The following TENM3 variants were observed in gnomAD, a reference collection of about 807,000 sequenced individuals.
TENM3 encodes the protein teneurin-3.
TENM3 carries 63 observed loss-of-function variants against 255.1 expected under a neutral mutation model. That is an observed-to-expected ratio of 0.25 (90% CI 0.20 to 0.30). The LOEUF is 0.30. TENM3 is among the 10% of genes least tolerant of loss of function. TENM3 has a pLI of 1.00. For missense variants in TENM3, 2,929 were observed against 3,461.1 expected, an observed-to-expected ratio of 0.85 and a Z score of 3.86; for synonymous variants, 1,306 against 1,322.3, an observed-to-expected ratio of 0.99 and a Z score of 0.27.
At chr4:181,814,602 G>GTA in the TENM3 span, among the ~76,000 whole-genome samples, 1 of 152,146 alleles carries the variant, frequency 6.6e-6, no homozygotes, top group Non-Finnish European at 1.5e-5. Context: ...GTGTGTGTGT[G>GTA]TGTGTGTGCA....
intron 11 of TENM3, among the ~76,000 whole-genome samples, chr4:182,686,439 A>G (rs1579110984): frequency 6.6e-6 from 1 of 152,106 alleles, no homozygotes. Flanking sequence ...TACAAGCAGT[A>G]TAATTCTGAA....
At chr4:181,942,847 A>T in the TENM3 span, among the ~76,000 whole-genome samples, 1 of 152,368 alleles carries the variant, frequency 6.6e-6, no homozygotes, top group African/African-American at 2.4e-5. Flanking sequence ...TTGTAAAGGT[A>T]CTTAGCATTA....
At chr4:182,414,475 C>A (rs1447556322) in intron 3 of TENM3, among the ~76,000 whole-genome samples, 3 of 152,116 alleles carry the variant, frequency 2.0e-5, no homozygotes, top group Non-Finnish European at 2.9e-5. Context: ...TACTATGCTT[C>A]ACAGAAAAAT....
At chr4:181,521,916 G>A in the TENM3 span, among the ~76,000 whole-genome samples, 63 of 151,856 alleles carry the variant, frequency 4.1e-4, no homozygotes, top group Non-Finnish European at 8.5e-4. Context: ...CTAACGCGGT[G>A]AAACCCCGTC....
At chr4:181,750,981 C>T in the TENM3 span, among the ~76,000 whole-genome samples, 1 of 152,052 alleles carries the variant, frequency 6.6e-6, no homozygotes, top group Non-Finnish European at 1.5e-5. Flanking sequence ...CAGAGAGACC[C>T]CTACTTTAAA....
chr4:182,174,675 A>G (rs1752341156), intron 1 of TENM3, among the ~76,000 whole-genome samples: 1 of 152,142 alleles, frequency 6.6e-6, no homozygotes, highest in African/African-American at 2.4e-5. Context: ...AATCAAGAAA[A>G]TAATTGAAAC....
the TENM3 span, among the ~76,000 whole-genome samples, chr4:181,556,442 A>G: frequency 6.6e-6 from 1 of 152,146 alleles, no homozygotes; most frequent in African/African-American, 2.4e-5. Flanking sequence ...TAATTTATAA[A>G]CTTTAATTAA....
rs1251510739 is a variant in TENM3 at position 182,799,424 on chromosome 4, G to C, written c.7345-172G>C. Among the ~76,000 whole-genome samples the C allele has an allele frequency of 6.6e-6, 1 of 152,206 alleles. No homozygotes were observed. The highest frequency in any genetic ancestry group is 2.4e-5 in the African/African-American group (1 of 41,454). ...TCCAGAGCATCGGGATCACCTTGAG[G>C]GGGAGGGATCTCGAGTGCTCCCTCC... On this transcript the variant is annotated intron_variant, in intron 27 of 27. Transcript: ENST00000511685. The surrounding 1 kb of genome is among the most constrained non-coding windows in gnomAD (Gnocchi z 4.2).
At chr4:181,700,539 C>T in the TENM3 span, among the ~76,000 whole-genome samples, 5 of 152,182 alleles carry the variant, frequency 3.3e-5, no homozygotes, top group African/African-American at 2.4e-5. Flanking sequence ...TTCATTGCTA[C>T]GTTCTTGCAA....
At chr4:182,279,334 T>C (rs1053776914) in intron 1 of TENM3, among the ~76,000 whole-genome samples, 2 of 152,174 alleles carry the variant, frequency 1.3e-5, no homozygotes, top group Non-Finnish European at 2.9e-5. Flanking sequence ...TATAATATGA[T>C]TACTTGGAAT....
the TENM3 span, among the ~76,000 whole-genome samples, chr4:181,641,569 T>C: frequency 8.1e-5 from 5 of 61,400 alleles, no homozygotes; most frequent in African/African-American, 2.5e-4. Flanking sequence ...TATATATATA[T>C]ATATATATAT....
At chr4:182,787,505 G>A (rs957943438) in intron 24 of TENM3, among the ~76,000 whole-genome samples, 4 of 152,020 alleles carry the variant, frequency 2.6e-5, no homozygotes, top group Non-Finnish European at 5.9e-5. Flanking sequence ...AGGCCAAGGT[G>A]GGTGGATCAC....
At chr4:181,567,345 C>T in the TENM3 span, among the ~76,000 whole-genome samples, 37 of 152,198 alleles carry the variant, frequency 2.4e-4, no homozygotes, top group African/African-American at 8.7e-4. Flanking sequence ...ATATTCTGTT[C>T]GTGTCTCTTG....
intron 3 of TENM3, among the ~76,000 whole-genome samples, chr4:182,416,508 A>G (rs576979774): frequency 7.9e-5 from 12 of 151,528 alleles, no homozygotes; most frequent in Middle Eastern, 6.9e-3. Context: ...AAGCTGTCTC[A>G]TGATTGTTTT....
At chr4:181,947,739 G>A in the TENM3 span, among the ~76,000 whole-genome samples, 1 of 151,954 alleles carries the variant, frequency 6.6e-6, no homozygotes, top group African/African-American at 2.4e-5. Flanking sequence ...AAAAAAAAAT[G>A]CCCTTTTTGC....
At chr4:182,590,538 CAAAAAAAAAAAAAAAAA>C (rs34681777) in intron 3 of TENM3, among the ~76,000 whole-genome samples, 1 of 79,962 alleles carries the variant, frequency 1.3e-5, no homozygotes, top group Non-Finnish European at 2.2e-5. Context: ...GACCCTGTCT[CAAAAAAAAAAAAAAAAA>C]AAAAAAGAAA....
At chr4:182,248,545 A>G (rs1347807544) in intron 1 of TENM3, among the ~76,000 whole-genome samples, 1 of 152,218 alleles carries the variant, frequency 6.6e-6, no homozygotes, top group East Asian at 1.9e-4. Context: ...GGGTAATTTA[A>G]GTAGATGGTT....
At chr4:181,800,702 C>T in the TENM3 span, among the ~76,000 whole-genome samples, 9 of 152,198 alleles carry the variant, frequency 5.9e-5, no homozygotes, top group Non-Finnish European at 1.2e-4. Flanking sequence ...AGGTGCTTGA[C>T]TCTTGTCCCT....
intron 1 of TENM3, among the ~76,000 whole-genome samples, chr4:182,251,386 C>T (rs1306967626): frequency 6.6e-5 from 10 of 152,218 alleles, no homozygotes; most frequent in Admixed American, 1.3e-4. Flanking sequence ...GAGGATCACT[C>T]GAGCCCAGGT....
Sources: allele counts gnomAD v4.1 joint callset (sites outside exome capture counted in the v4.1 genomes callset), GRCh38; gene constraint gnomAD v4.1.1; non-coding constraint Gnocchi (gnomAD v3.1); transcripts MANE v1.5; gene names NCBI Gene and HGNC (gene_info 2026-07-23, HGNC 2026-07-21).